LRP1B: variants seen among roughly 807,000 people sequenced by gnomAD.
LRP1B encodes the protein low-density lipoprotein receptor-related protein 1B.
Under a neutral mutation model 556.6 loss-of-function variants are expected in LRP1B, and 217 were observed. The ratio of observed to expected loss-of-function variants is 0.39; its 90% CI spans 0.35 to 0.44. The LOEUF (loss-of-function observed/expected upper bound fraction) is 0.44, where lower values mean the gene tolerates loss of function less well. Among genes scored for constraint, LRP1B ranks in the 20% least tolerant of loss-of-function variants. The pLI, the probability that LRP1B is intolerant of heterozygous loss-of-function variation, is 1.00. For synonymous variants in LRP1B, 2,047 were observed against 1,865.8 expected (o/e 1.10, Z -2.50); for missense variants, 5,053 against 5,620.8 (o/e 0.90, Z 3.23).
chr2:140,474,325 T>G (rs1259614134), intron 60 of LRP1B, among the ~76,000 whole-genome samples: 9 of 151,904 alleles, frequency 5.9e-5, no homozygotes, highest in Non-Finnish European at 4.4e-5. Context: ...CCATTTCTCA[T>G]CCTTCCCTCC....
At chr2:141,489,536 G>C (rs759382638) in intron 2 of LRP1B, among the ~76,000 whole-genome samples, 1 of 151,754 alleles carries the variant, frequency 6.6e-6, no homozygotes, top group Non-Finnish European at 1.5e-5. Context: ...TGTTATTTGG[G>C]AAAATTAGTA....
chr2:141,089,791 G>A (rs1251863316), intron 7 of LRP1B, among the ~76,000 whole-genome samples: 4 of 152,304 alleles, frequency 2.6e-5, no homozygotes, highest in African/African-American at 4.8e-5. Flanking sequence ...CTGCCACAGG[G>A]CAGCAAAGGA....
intron 1 of LRP1B, among the ~76,000 whole-genome samples, chr2:141,844,239 T>C (rs1697569076): frequency 6.6e-6 from 1 of 152,120 alleles, no homozygotes; most frequent in Non-Finnish European, 1.5e-5. Flanking sequence ...TAAATTTTGC[T>C]TTTTCAGGGA....
At chr2:141,561,218 T>C (rs1237217281) in intron 2 of LRP1B, among the ~76,000 whole-genome samples, 1 of 151,802 alleles carries the variant, frequency 6.6e-6, no homozygotes, top group African/African-American at 2.4e-5. Flanking sequence ...TAGGTTTAGA[T>C]ATGCTATATG....
At chr2:141,394,968 C>T (rs11887563) in intron 3 of LRP1B, among the ~76,000 whole-genome samples, 11,815 of 151,970 alleles carry the variant, frequency 0.078, 753 homozygotes, top group African/African-American at 0.17. Flanking sequence ...TTCTTTCCAA[C>T]GTAATTAAGT....
At chr2:141,431,444 C>T (rs190787661) in intron 3 of LRP1B, among the ~76,000 whole-genome samples, 1 of 152,272 alleles carries the variant, frequency 6.6e-6, no homozygotes, top group Non-Finnish European at 1.5e-5. Flanking sequence ...ACAACCTGAA[C>T]GATCTTAGCA....
chr2:140,239,368 C>G, intron 88 of LRP1B, 74 bp downstream of exon 88: 1 of 941,618 alleles, frequency 1.1e-6, no homozygotes, highest in Non-Finnish European at 1.6e-6. Flanking sequence ...AAAAAATTAA[C>G]AACAAACATT....
chr2:141,045,871 A>T (rs1553451445), intron 11 of LRP1B, among the ~76,000 whole-genome samples: 1 of 152,174 alleles, frequency 6.6e-6, no homozygotes, highest in Non-Finnish European at 1.5e-5. Context: ...AAATACACAT[A>T]GTAAATATCT....
At chr2:140,480,598 G>A (rs544774892) in intron 59 of LRP1B, among the ~76,000 whole-genome samples, 57 of 151,784 alleles carry the variant, frequency 3.8e-4, no homozygotes, top group African/African-American at 1.4e-3. Context: ...GTGCCACCAA[G>A]CCCGGCTAAC....
In LRP1B at chr2:141,032,744, C is replaced by T. The variant is rs370457551; in HGVS notation, c.1790-12642G>A. ...GCTTAGATTATCTTTCATGTTTTCA[C>T]TTGCTCATAATGCCTTTTTCATAGA... On this transcript the variant is annotated intron_variant, in intron 11 of 90. Coordinates refer to ENST00000389484, the MANE Select transcript of LRP1B (RefSeq NM_018557.3). Among the ~76,000 whole-genome samples, 9 of 150,182 alleles carry T rather than the reference C, an allele frequency of 6.0e-5. No individual in the cohort carries two copies. In the East Asian group the frequency reaches 1.8e-3, roughly 30 times the overall value.
intron 41 of LRP1B, among the ~76,000 whole-genome samples, chr2:140,644,117 C>A (rs1684395488): frequency 6.6e-6 from 1 of 152,118 alleles, no homozygotes; most frequent in South Asian, 2.1e-4. Context: ...TGGTCTGCTG[C>A]TATTACTTAT....
At chr2:141,914,612 T>C (rs1415789159) in intron 1 of LRP1B, among the ~76,000 whole-genome samples, 1 of 152,148 alleles carries the variant, frequency 6.6e-6, no homozygotes, top group Non-Finnish European at 1.5e-5. Context: ...CCCTAAAGAT[T>C]ATGCCAAAAG....
intron 82 of LRP1B, among the ~76,000 whole-genome samples, chr2:140,316,145 C>T (rs1684510660): frequency 6.6e-6 from 1 of 152,130 alleles, no homozygotes; most frequent in African/African-American, 2.4e-5. Flanking sequence ...GTTAGAAATG[C>T]TGCTTTGCTG....
chr2:141,468,717 GA>G (rs1682338118), intron 3 of LRP1B, among the ~76,000 whole-genome samples: 1 of 48,320 alleles, frequency 2.1e-5, no homozygotes, highest in Non-Finnish European at 5.5e-5. Flanking sequence ...AGAATTCTCA[GA>G]GTCATTTATT....
At chr2:141,616,140 G>A (rs1207890463) in intron 2 of LRP1B, among the ~76,000 whole-genome samples, 1 of 151,984 alleles carries the variant, frequency 6.6e-6, no homozygotes, top group African/African-American at 2.4e-5. Context: ...ACATTAGCTG[G>A]GTGTGGTGGC....
intron 35 of LRP1B, among the ~76,000 whole-genome samples, chr2:140,756,600 T>G (rs1168465510): frequency 6.6e-6 from 1 of 152,114 alleles, no homozygotes; most frequent in African/African-American, 2.4e-5. Flanking sequence ...TTTATACAAA[T>G]GATACTGGGA....
chr2:140,953,204 C>T (rs1256286451), intron 18 of LRP1B, among the ~76,000 whole-genome samples: 2 of 152,124 alleles, frequency 1.3e-5, no homozygotes, highest in African/African-American at 4.8e-5. Flanking sequence ...GATTCTCCTG[C>T]CTCAGCTTCC....
chr2:141,772,575 G>C (rs1320785141), intron 2 of LRP1B, among the ~76,000 whole-genome samples: 4 of 152,170 alleles, frequency 2.6e-5, no homozygotes, highest in African/African-American at 9.7e-5. Context: ...AAGACCTCCA[G>C]TTGATTACAC....
intron 2 of LRP1B, among the ~76,000 whole-genome samples, chr2:141,732,536 A>G (rs1041943312): frequency 6.6e-6 from 1 of 152,098 alleles, no homozygotes; most frequent in Non-Finnish European, 1.5e-5. Context: ...CTGTTTAAAC[A>G]TCATCAACTG....
Sources: gnomAD v4.1 joint callset for allele counts (sites outside exome capture counted in the v4.1 genomes callset) on GRCh38, gnomAD v4.1.1 for gene constraint, MANE v1.5 for transcripts, NCBI Gene and HGNC (gene_info 2026-07-23, HGNC 2026-07-21) for gene names.